Variants in DEPDC1B observed in about 807,000 individuals in gnomAD.
DEPDC1B encodes DEP domain-containing protein 1B.
A neutral mutation model predicts 66.5 loss-of-function variants in DEPDC1B; 51 were observed. The observed-to-expected ratio is 0.77, with a 90% CI of 0.61 to 0.97. DEPDC1B has a LOEUF of 0.97. DEPDC1B is among the 50% of genes least tolerant of loss of function. The pLI is 0.00. For missense variants in DEPDC1B, 552 were observed against 637.1 expected (o/e 0.87, Z 1.44); for synonymous variants, 226 against 223.6 (o/e 1.01, Z -0.10).
chr5:60,651,674 G>A (rs963499900), intron 2 of DEPDC1B, among the ~76,000 whole-genome samples: 13 of 152,192 alleles, frequency 8.5e-5, no homozygotes, highest in African/African-American at 2.9e-4. Context: ...GCAGTGAAAT[G>A]GATGCATGAA....
intron 7 of DEPDC1B, among the ~76,000 whole-genome samples, chr5:60,619,355 G>A (rs1044454445): frequency 3.5e-4 from 53 of 152,198 alleles, no homozygotes; most frequent in Non-Finnish European, 6.9e-4. Flanking sequence ...AATTGTCCCT[G>A]TTTGCAGATG....
At position 60,667,993 on chromosome 5, in the gene DEPDC1B, ATATATATAAAATGGATATTT is replaced by A. The variant is rs1753916007; in HGVS notation, c.314+18949_314+18968del. Among the ~76,000 whole-genome samples, 9 of 104,068 alleles carry A rather than the reference ATATATATAAAATGGATATTT, an allele frequency of 8.6e-5. No individual in the cohort carries two copies. The South Asian group carries it at 2.3e-3, about 27-fold the overall frequency. The allele number at this position is 104,068 out of a possible 152,430, so 68.3% of individuals were successfully genotyped here. ...ATTTTATATATATAAAATGGATATT[ATATATATAAAATGGATATTT>A]TATATATATATAAAATGGATATTTT... On this transcript the variant is annotated intron_variant, in intron 2 of 10. Transcript: ENST00000265036.
chr5:60,629,192 T>C (rs1752869762), intron 7 of DEPDC1B, among the ~76,000 whole-genome samples: 1 of 152,214 alleles, frequency 6.6e-6, no homozygotes, highest in South Asian at 2.1e-4. Context: ...TTTTTTATGG[T>C]GAAGAGCATT....
At chr5:60,603,845 A>G (rs1172220767) in intron 8 of DEPDC1B, among the ~76,000 whole-genome samples, 1 of 151,030 alleles carries the variant, frequency 6.6e-6, no homozygotes, top group Non-Finnish European at 1.5e-5. Flanking sequence ...ATATATATAT[A>G]TACACACACA....
chr5:60,670,311 A>G (rs1754005616), intron 2 of DEPDC1B, among the ~76,000 whole-genome samples: 7 of 152,166 alleles, frequency 4.6e-5, no homozygotes, highest in Admixed American at 3.9e-4. Context: ...TGAACCCAGG[A>G]GGCAGTGAGC....
chr5:60,631,505 T>C (rs1752924122), intron 7 of DEPDC1B, among the ~76,000 whole-genome samples: 1 of 152,042 alleles, frequency 6.6e-6, no homozygotes, highest in Non-Finnish European at 1.5e-5. Context: ...GCAAGGACCA[T>C]GTGGAAACCA....
chr5:60,608,150 G>A (rs577558561), intron 7 of DEPDC1B, among the ~76,000 whole-genome samples: 6 of 152,226 alleles, frequency 3.9e-5, no homozygotes, highest in East Asian at 1.9e-4. Context: ...GGGACGTAGC[G>A]GTTGAACTGG....
At chr5:60,606,511 G>A (rs555773895) in intron 7 of DEPDC1B, among the ~76,000 whole-genome samples, 3 of 146,148 alleles carry the variant, frequency 2.1e-5, no homozygotes, top group East Asian at 4.0e-4. Flanking sequence ...AGTGGCTCAC[G>A]CCTGTAATCT....
At chr5:60,605,460 C>T (rs1048385162) in intron 8 of DEPDC1B, among the ~76,000 whole-genome samples, 93 of 152,260 alleles carry the variant, frequency 6.1e-4, no homozygotes, top group Middle Eastern at 3.4e-3. Context: ...AGTGGGAGAA[C>T]AGGATGTAGC....
At chr5:60,604,776 T>C (rs1453269264) in intron 8 of DEPDC1B, among the ~76,000 whole-genome samples, 1 of 152,178 alleles carries the variant, frequency 6.6e-6, no homozygotes, top group Non-Finnish European at 1.5e-5. Context: ...TGAAACTGCA[T>C]GCAAAGTTTT....
intron 7 of DEPDC1B, among the ~76,000 whole-genome samples, chr5:60,617,666 T>A (rs1031284993): frequency 6.6e-6 from 1 of 152,182 alleles, no homozygotes; most frequent in Admixed American, 6.5e-5. Flanking sequence ...CTAAGAGACG[T>A]AGACTCCCAC....
chr5:60,598,191 A>G (rs1752134306), intron 10 of DEPDC1B, among the ~76,000 whole-genome samples: 1 of 152,168 alleles, frequency 6.6e-6, no homozygotes, highest in South Asian at 2.1e-4. Context: ...CTGACTTCAA[A>G]ATAACTTCTG....
intron 1 of DEPDC1B, among the ~76,000 whole-genome samples, chr5:60,688,825 TGA>T (rs1754481825): frequency 6.6e-6 from 1 of 152,174 alleles, no homozygotes; most frequent in Non-Finnish European, 1.5e-5. Context: ...GAAATTAAAA[TGA>T]GAGGTCTGCT....
intron 2 of DEPDC1B, among the ~76,000 whole-genome samples, chr5:60,662,261 G>A (rs1285990252): frequency 4.6e-5 from 7 of 152,086 alleles, no homozygotes; most frequent in Non-Finnish European, 1.0e-4. Flanking sequence ...GGTGGCAGGC[G>A]CCTATAGTCC....
chr5:60,611,991 A>G (rs1236803458), intron 7 of DEPDC1B, among the ~76,000 whole-genome samples: 1 of 152,212 alleles, frequency 6.6e-6, no homozygotes, highest in Non-Finnish European at 1.5e-5. Flanking sequence ...ATTTGTAACT[A>G]GAAGGGAGAA....
At chr5:60,697,583 T>C (rs1754685624) in intron 1 of DEPDC1B, among the ~76,000 whole-genome samples, 1 of 152,164 alleles carries the variant, frequency 6.6e-6, no homozygotes, top group South Asian at 2.1e-4. Flanking sequence ...AATTACAGAC[T>C]TTACAATGGA....
At chr5:60,690,550 G>A (rs1455907019) in intron 1 of DEPDC1B, among the ~76,000 whole-genome samples, 1 of 152,092 alleles carries the variant, frequency 6.6e-6, no homozygotes, top group African/African-American at 2.4e-5. Flanking sequence ...TAGGAACGTA[G>A]GCTCCCTGCC....
At chr5:60,678,427 G>A (rs1754220503) in intron 2 of DEPDC1B, among the ~76,000 whole-genome samples, 1 of 152,130 alleles carries the variant, frequency 6.6e-6, no homozygotes. Context: ...TAAATACCCA[G>A]GAGTAGGAAT....
chr5:60,615,695 C>T (rs2111757305), intron 7 of DEPDC1B, among the ~76,000 whole-genome samples: 1 of 152,344 alleles, frequency 6.6e-6, no homozygotes, highest in Non-Finnish European at 1.5e-5. Context: ...CTGCCTGCCT[C>T]TGTAGACTCC....
Sources: allele counts gnomAD v4.1 joint callset (sites outside exome capture counted in the v4.1 genomes callset), GRCh38; gene constraint gnomAD v4.1.1; transcripts MANE v1.5; gene names NCBI Gene and HGNC (gene_info 2026-07-23, HGNC 2026-07-21).